The following ZNF571 variants were observed in gnomAD, a reference collection of about 807,000 sequenced individuals.
ZNF571 encodes zinc finger protein 571.
ZNF571 carries 4 observed loss-of-function variants against 7.7 expected under a neutral mutation model. The ratio of observed to expected loss-of-function variants is 0.52; its 90% CI spans 0.25 to 1.18. The LOEUF is 1.18. Ranked by LOEUF, ZNF571 falls within the 50% of genes most tolerant of loss-of-function variation. The pLI is 0.14. For missense variants in ZNF571, 704 were observed against 726.9 expected (o/e 0.97, Z 0.36); for synonymous variants, 251 against 232.4 (o/e 1.08, Z -0.73).
At chr19:37,571,897 G>A (rs1268605139) in intron 3 of ZNF571, among the ~76,000 whole-genome samples, 5 of 152,126 alleles carry the variant, frequency 3.3e-5, no homozygotes, top group African/African-American at 1.2e-4. Context: ...ACATATGAAG[G>A]CATGAGTTAG....
intron 1 of ZNF571, among the ~76,000 whole-genome samples, chr19:37,592,919 C>T (rs141025414): frequency 4.3e-4 from 66 of 152,296 alleles, no homozygotes; most frequent in Non-Finnish European, 8.4e-4. Context: ...GGGAAACTAT[C>T]ATGCATTAAG....
At chr19:37,581,934 C>T (rs1222820978) in intron 3 of ZNF571, among the ~76,000 whole-genome samples, 1 of 152,084 alleles carries the variant, frequency 6.6e-6, no homozygotes, top group Non-Finnish European at 1.5e-5. Flanking sequence ...TTCTTTCTCT[C>T]CTACCACCAT....
At position 37,564,853 on chromosome 19, in the gene ZNF571, T is replaced by G. The variant is rs1236269681; in HGVS notation, c.1575A>C (p.Arg525Ser). Residue 525 changes from arginine (R) to serine (S), a missense_variant, in exon 4 of 4, where the codon AGA becomes AGC. By Grantham distance (110) the Arg-to-Ser change is moderately radical (BLOSUM62 -1). Transcript: ENST00000451802. Reference protein sequence around the residue: ...SQLSEHQRIHRGEKPYECKQC... With the variant: ...SQLSEHQRIHSGEKPYECKQC... ...GTTTACATTCATAAGGTTTTTCACCTCTGTGAATTCTCTGATGTTCACTAA... is the reference window on the plus strand; with the variant it reads ...GTTTACATTCATAAGGTTTTTCACCGCTGTGAATTCTCTGATGTTCACTAA... 1 of 1,613,894 alleles carries G rather than the reference T, an allele frequency of 6.2e-7. No individual in the cohort carries two copies. The highest frequency in any genetic ancestry group is 1.3e-5 in the African/African-American group (1 of 74,916).
intron 3 of ZNF571, among the ~76,000 whole-genome samples, chr19:37,573,948 T>C (rs544519659): frequency 6.6e-6 from 1 of 152,330 alleles, no homozygotes; most frequent in South Asian, 2.1e-4. Flanking sequence ...TAAAAAATCA[T>C]TGCCTTTTCC....
In ZNF571 at chr19:37,566,143, G is replaced by A. The variant is rs971923394; in HGVS notation, c.285C>T (p.Asn95=). The A allele has an allele frequency of 6.2e-7, 1 of 1,613,852 alleles. No homozygotes were observed. Among genetic ancestry groups the A allele is most frequent in the Admixed American group, 1.7e-5 (1 of 59,984 alleles). Reference sequence around the variant, plus strand: ...CCTGACTTGCTTCTTGACCCTCTAAGTTGCCTTTGCACTCCATATTGTCTC... The same window carrying A: ...CCTGACTTGCTTCTTGACCCTCTAAATTGCCTTTGCACTCCATATTGTCTC... ...GLGDNMECKG[N]LEGQEASQEG... The change falls in exon 4 of 4, where the codon AAC becomes AAT. Residue 95 remains asparagine (N), a synonymous_variant. Transcript: ENST00000451802.
chr19:37,564,468 A>C lies in ZNF571; in HGVS notation c.*130T>G. On this transcript the variant is annotated 3_prime_UTR_variant, in exon 4 of 4. Transcript: ENST00000451802. ...AATTATTTAAGGGGTTTCTGAAATT[A>C]TTCTGCATCCATGTTAATGTAGGCC... 1.4e-6 allele frequency: 1 copy of C among 734,638 alleles called. No individual in the cohort carries two copies. The highest frequency in any genetic ancestry group is 4.3e-4 in the Middle Eastern group (1 of 2,302). The allele number at this position is 734,638 out of a possible 1,614,324, so 45.5% of individuals were successfully genotyped here.
intron 3 of ZNF571, among the ~76,000 whole-genome samples, chr19:37,574,455 A>G (rs918893339): frequency 1.2e-4 from 18 of 152,194 alleles, no homozygotes; most frequent in Admixed American, 5.2e-4. Context: ...TATTATTCCC[A>G]TAACTATTCC....
At chr19:37,566,497 ATAGGT>A (rs1412301552) in intron 3 of ZNF571, 2 of 555,312 alleles carry the variant, frequency 3.6e-6, no homozygotes, top group Non-Finnish European at 5.9e-6. Context: ...AATTAGAAAA[ATAGGT>A]TAAGTCAGTG....
intron 3 of ZNF571, chr19:37,575,683 G>A (rs899906887): frequency 2.6e-5 from 4 of 152,124 alleles, no homozygotes; most frequent in Non-Finnish European, 4.4e-5. Context: ...CATCTTGGTG[G>A]ACTAATGGCT....
intron 1 of ZNF571, among the ~76,000 whole-genome samples, chr19:37,590,875 G>C (rs2043849821): frequency 6.6e-6 from 1 of 152,040 alleles, no homozygotes. Context: ...AAAACCAAAA[G>C]AAATCTAAAA....
chr19:37,573,280 C>T (rs1028614500), intron 3 of ZNF571, among the ~76,000 whole-genome samples: 1 of 152,066 alleles, frequency 6.6e-6, no homozygotes, highest in African/African-American at 2.4e-5. Flanking sequence ...ATACTGGATT[C>T]CTATTATTAA....
At chr19:37,570,776 AAT>A (rs1449551394) in intron 3 of ZNF571, among the ~76,000 whole-genome samples, 1 of 152,228 alleles carries the variant, frequency 6.6e-6, no homozygotes, top group Non-Finnish European at 1.5e-5. Context: ...CAAACTTCTG[AAT>A]AGTCTCCTAT....
At chr19:37,572,143 AC>A (rs1167303660) in intron 3 of ZNF571, among the ~76,000 whole-genome samples, 1 of 152,160 alleles carries the variant, frequency 6.6e-6, no homozygotes, top group African/African-American at 2.4e-5. Flanking sequence ...TACTTCTGTT[AC>A]CCCTATCACT....
intron 3 of ZNF571, chr19:37,583,717 C>T (rs972383877): frequency 5.7e-6 from 2 of 350,460 alleles, no homozygotes; most frequent in African/African-American, 2.1e-5. Flanking sequence ...GGAAATGGTG[C>T]ATGGTCATGC....
chr19:37,590,909 T>G (rs770308291), intron 1 of ZNF571, among the ~76,000 whole-genome samples: 7 of 152,188 alleles, frequency 4.6e-5, no homozygotes, highest in Non-Finnish European at 1.0e-4. Flanking sequence ...TTAACAGTAG[T>G]GACAGTTACT....
chr19:37,593,481 A>G (rs923386273), intron 1 of ZNF571, among the ~76,000 whole-genome samples: 1 of 152,196 alleles, frequency 6.6e-6, no homozygotes, highest in Non-Finnish European at 1.5e-5. Context: ...AGGCGGGTGG[A>G]TCACGAGGTC....
intron 3 of ZNF571, among the ~76,000 whole-genome samples, chr19:37,582,311 T>C (rs538479946): frequency 6.6e-6 from 1 of 152,346 alleles, no homozygotes; most frequent in South Asian, 2.1e-4. Context: ...AGCGTTCCTC[T>C]TACTTGAACT....
chr19:37,593,035 C>G (rs903979565), intron 1 of ZNF571, among the ~76,000 whole-genome samples: 1 of 151,944 alleles, frequency 6.6e-6, no homozygotes, highest in African/African-American at 2.4e-5. Context: ...TTGGGAAAAT[C>G]TGAATATGGG....
chr19:37,592,041 C>T (rs530009719), intron 1 of ZNF571, among the ~76,000 whole-genome samples: 91 of 151,836 alleles, frequency 6.0e-4, no homozygotes, highest in Middle Eastern at 3.4e-3. Flanking sequence ...GTGGATTACT[C>T]GAGGTCAGGA....
Sources: gnomAD v4.1 joint callset for allele counts (sites outside exome capture counted in the v4.1 genomes callset) on GRCh38, gnomAD v4.1.1 for gene constraint, MANE v1.5 for transcripts, NCBI Gene and HGNC (gene_info 2026-07-23, HGNC 2026-07-21) for gene names.